The following FGF14 variants were observed in gnomAD, a reference collection of about 807,000 sequenced individuals.
FGF14 encodes fibroblast growth factor 14, also known as fibroblast growth factor homologous factor 4.
In FGF14, 5 loss-of-function variants were observed where a neutral mutation model predicts 25.5. The ratio of observed to expected loss-of-function variants is 0.20; its 90% confidence interval spans 0.10 to 0.41. FGF14 has a LOEUF of 0.41. FGF14 is among the 10% of genes least tolerant of loss of function. The probability of loss-of-function intolerance (pLI) is 1.00; values close to 1 mark genes in which losing one functional copy is unlikely to be tolerated. For missense variants in FGF14, 222 were observed against 320.1 expected (o/e 0.69, Z 2.34); for synonymous variants, 138 against 118.3 (o/e 1.17, Z -1.08).
chr13:102,097,285 G>C (rs2044446745), intron 1 of FGF14, among the ~76,000 whole-genome samples: 1 of 152,126 alleles, frequency 6.6e-6, no homozygotes, highest in South Asian at 2.1e-4. Context: ...GAAAGATCCA[G>C]AATTCAACAT....
At chr13:102,279,748 A>G (rs1424126794) in intron 1 of FGF14, among the ~76,000 whole-genome samples, 1 of 152,224 alleles carries the variant, frequency 6.6e-6, no homozygotes, top group Non-Finnish European at 1.5e-5. Flanking sequence ...CTTGGAAACA[A>G]CACAGTCTAA....
At chr13:102,142,940 C>T (rs1479976694) in intron 1 of FGF14, among the ~76,000 whole-genome samples, 1 of 152,166 alleles carries the variant, frequency 6.6e-6, no homozygotes. Context: ...AAATGCTCTA[C>T]TAAAATCTAC....
chr13:102,368,943 G>A (rs867513549), intron 1 of FGF14, among the ~76,000 whole-genome samples: 2 of 152,140 alleles, frequency 1.3e-5, no homozygotes, highest in Non-Finnish European at 2.9e-5. Context: ...TTTTTAAAGC[G>A]AATCCAGCCA....
intron 1 of FGF14, among the ~76,000 whole-genome samples, chr13:102,101,489 C>T (rs898749077): frequency 6.6e-6 from 1 of 152,130 alleles, no homozygotes; most frequent in Non-Finnish European, 1.5e-5. Flanking sequence ...CCAAATTTAT[C>T]ATTTATGTCC....
chr13:102,031,553 C>G (rs2041210266), intron 1 of FGF14, among the ~76,000 whole-genome samples: 1 of 151,856 alleles, frequency 6.6e-6, no homozygotes, highest in Non-Finnish European at 1.5e-5. Context: ...CTCTCATTAT[C>G]ATATTAGAAT....
chr13:102,016,577 G>A (rs1046078980), intron 1 of FGF14, among the ~76,000 whole-genome samples: 32 of 151,998 alleles, frequency 2.1e-4, no homozygotes, highest in Admixed American at 2.1e-3. Context: ...TTTTCCAAAG[G>A]CAAAAGATTT....
At chr13:101,875,053 G>T in intron 2 of FGF14, 133 bp downstream of exon 2, 1 of 705,088 alleles carries the variant, frequency 1.4e-6, no homozygotes, top group Middle Eastern at 3.0e-4. Context: ...ATTGTAAATG[G>T]CATCCTAGTG....
chr13:101,880,712 A>C (rs1225647677), intron 1 of FGF14, among the ~76,000 whole-genome samples: 3 of 152,194 alleles, frequency 2.0e-5, no homozygotes, highest in African/African-American at 2.4e-5. Context: ...GCGGGTTTGC[A>C]TGTCTTTCTG....
intron 2 of FGF14, 97 bp from the exon 3 acceptor site, chr13:101,868,925 C>A: frequency 1.2e-6 from 1 of 811,770 alleles, no homozygotes; most frequent in Non-Finnish European, 2.1e-6. Context: ...GAAACATCAT[C>A]TTTGCCAATA....
chr13:102,141,981 T>A (rs1477784353), intron 1 of FGF14, among the ~76,000 whole-genome samples: 4 of 152,132 alleles, frequency 2.6e-5, no homozygotes, highest in African/African-American at 9.7e-5. Context: ...TTTGTTCTCT[T>A]CCCTCTTTCT....
At chr13:102,208,738 G>C (rs1036402669) in intron 1 of FGF14, among the ~76,000 whole-genome samples, 1 of 152,090 alleles carries the variant, frequency 6.6e-6, no homozygotes, top group Non-Finnish European at 1.5e-5. Context: ...AATGAAAGGA[G>C]ATCATCCAAG....
chr13:102,138,993 C>T (rs1432491799), intron 1 of FGF14, among the ~76,000 whole-genome samples: 3 of 152,184 alleles, frequency 2.0e-5, no homozygotes, highest in African/African-American at 7.2e-5. Flanking sequence ...CATTTTAAAG[C>T]AAAAGTGGTT....
intron 1 of FGF14, among the ~76,000 whole-genome samples, chr13:102,371,302 T>A (rs2057875942): frequency 6.6e-6 from 1 of 152,176 alleles, no homozygotes; most frequent in Non-Finnish European, 1.5e-5. Context: ...CCCCTCCCCA[T>A]GCCATCTTCT....
At chr13:102,385,385 T>C (rs2058278330) in intron 1 of FGF14, among the ~76,000 whole-genome samples, 1 of 152,186 alleles carries the variant, frequency 6.6e-6, no homozygotes, top group Admixed American at 6.5e-5. Context: ...AAGTGAGTAA[T>C]AGCTGGTTAT....
intron 1 of FGF14, among the ~76,000 whole-genome samples, chr13:102,244,124 C>T (rs548480225): frequency 3.9e-5 from 6 of 152,124 alleles, no homozygotes; most frequent in East Asian, 1.9e-4. Context: ...GTACTACAAA[C>T]GCGGTCTGTA....
intron 1 of FGF14, among the ~76,000 whole-genome samples, chr13:101,886,423 C>T (rs1371596829): frequency 6.6e-6 from 1 of 152,068 alleles, no homozygotes; most frequent in Admixed American, 6.6e-5. Flanking sequence ...TTGACAAAGG[C>T]ACCAAGAAAA....
chr13:102,070,119 T>C (rs1342616232), intron 1 of FGF14, among the ~76,000 whole-genome samples: 1 of 152,182 alleles, frequency 6.6e-6, no homozygotes, highest in Non-Finnish European at 1.5e-5. Flanking sequence ...AGAAAATATT[T>C]GCAAATGATC....
At chr13:101,756,383 G>A (rs1247430528) in intron 3 of FGF14, among the ~76,000 whole-genome samples, 1 of 152,116 alleles carries the variant, frequency 6.6e-6, no homozygotes, top group Non-Finnish European at 1.5e-5. Flanking sequence ...TTTTGCATGA[G>A]TTTAGTTGTT....
chr13:102,094,789 T>C (rs1249805511), intron 1 of FGF14, among the ~76,000 whole-genome samples: 1 of 152,126 alleles, frequency 6.6e-6, no homozygotes, highest in African/African-American at 2.4e-5. Flanking sequence ...AGGAAGTACC[T>C]CATCAATAAG....
Sources: allele counts gnomAD v4.1 joint callset (sites outside exome capture counted in the v4.1 genomes callset), GRCh38; gene constraint gnomAD v4.1.1; transcripts MANE v1.5; gene names NCBI Gene and HGNC (gene_info 2026-07-23, HGNC 2026-07-21).